The following EPAS1 variants were observed in gnomAD, a reference collection of about 807,000 sequenced individuals.
EPAS1 encodes endothelial PAS domain protein 1.
EPAS1 carries 23 observed loss-of-function variants against 87.9 expected under a neutral mutation model. The ratio of observed to expected loss-of-function variants is 0.26; its 90% CI spans 0.19 to 0.37. The LOEUF is 0.37. Among genes scored for constraint, EPAS1 ranks in the 10% least tolerant of loss-of-function variants. The probability of loss-of-function intolerance (pLI) is 1.00; values close to 1 mark genes in which losing one functional copy is unlikely to be tolerated. For missense variants in EPAS1, 1,138 were observed against 1,120.7 expected (o/e 1.02, Z -0.22); for synonymous variants, 508 against 444.3 (o/e 1.14, Z -1.80).
chr2:46,318,781 A>G (rs1683396015), intron 1 of EPAS1, among the ~76,000 whole-genome samples: 1 of 152,252 alleles, frequency 6.6e-6, no homozygotes, highest in African/African-American at 2.4e-5. Flanking sequence ...TTAGTTATTA[A>G]TAGTATTAAT....
intron 1 of EPAS1, among the ~76,000 whole-genome samples, chr2:46,343,606 A>C (rs1232117712): frequency 6.6e-6 from 1 of 152,254 alleles, no homozygotes; most frequent in East Asian, 1.9e-4. Flanking sequence ...AACACATGTT[A>C]AGAAGAAGTG....
At chr2:46,358,028 A>G (rs1222961959) in intron 4 of EPAS1, among the ~76,000 whole-genome samples, 1 of 152,196 alleles carries the variant, frequency 6.6e-6, no homozygotes, top group East Asian at 1.9e-4. Flanking sequence ...GTCCTCTTTA[A>G]CAACCTCACC....
chr2:46,332,326 G>C (rs1175130045), intron 1 of EPAS1, among the ~76,000 whole-genome samples: 1 of 143,820 alleles, frequency 7.0e-6, no homozygotes, highest in Non-Finnish European at 1.5e-5. Context: ...GTGTGTGTGT[G>C]TGTGTGTATC....
At chr2:46,377,554 G>A (rs1684782503) in intron 9 of EPAS1, among the ~76,000 whole-genome samples, 1 of 152,254 alleles carries the variant, frequency 6.6e-6, no homozygotes, top group Admixed American at 6.5e-5. Context: ...GCAGTACTGA[G>A]GCAAATAGCT....
intron 6 of EPAS1, among the ~76,000 whole-genome samples, chr2:46,364,985 A>G (rs953325240): frequency 6.6e-6 from 1 of 152,224 alleles, no homozygotes; most frequent in African/African-American, 2.4e-5. Context: ...ACAACATTCC[A>G]TTTACCCAAA....
intron 10 of EPAS1, among the ~76,000 whole-genome samples, chr2:46,378,322 C>G (rs1435932475): frequency 6.6e-6 from 1 of 152,266 alleles, no homozygotes; most frequent in Non-Finnish European, 1.5e-5. Context: ...CCAGCTCAGT[C>G]CCCATACAGG....
intron 1 of EPAS1, among the ~76,000 whole-genome samples, chr2:46,324,130 G>T (rs532014700): frequency 6.6e-6 from 1 of 152,170 alleles, no homozygotes; most frequent in Non-Finnish European, 1.5e-5. Flanking sequence ...GCGGTGGTGC[G>T]ATCTTGGCTC....
intron 2 of EPAS1, among the ~76,000 whole-genome samples, chr2:46,349,846 T>C (rs1425522279): frequency 1.3e-5 from 2 of 152,238 alleles, no homozygotes; most frequent in Non-Finnish European, 2.9e-5. Context: ...CATGTAGCGT[T>C]ATGAAGAGGA....
chr2:46,366,580 G>A (rs937954926), intron 6 of EPAS1, among the ~76,000 whole-genome samples: 15 of 152,140 alleles, frequency 9.9e-5, no homozygotes, highest in Admixed American at 7.9e-4. Context: ...CTGTTCTTAT[G>A]TTTGAAATCT....
At chr2:46,358,490 T>A (rs907185152) in intron 4 of EPAS1, among the ~76,000 whole-genome samples, 1 of 152,238 alleles carries the variant, frequency 6.6e-6, no homozygotes, top group African/African-American at 2.4e-5. Flanking sequence ...CCAGAAACCC[T>A]TTGGCCTTTG....
At chr2:46,351,569 G>A (rs957003246) in intron 2 of EPAS1, among the ~76,000 whole-genome samples, 1 of 152,146 alleles carries the variant, frequency 6.6e-6, no homozygotes, top group African/African-American at 2.4e-5. Flanking sequence ...CCGGGAGGGC[G>A]GGGTTTGAGG....
chr2:46,376,780 C>T, intron 9 of EPAS1, 27 bp downstream of exon 9: 1 of 1,610,074 alleles, frequency 6.2e-7, no homozygotes, highest in Non-Finnish European at 8.5e-7. Flanking sequence ...TAAGCCAGGC[C>T]CCTGGAACCC....
intron 11 of EPAS1, chr2:46,379,977 G>A (rs1012434365): frequency 6.6e-6 from 4 of 605,312 alleles, no homozygotes; most frequent in Non-Finnish European, 8.9e-6. Context: ...GGGGAGAGGA[G>A]AACATTTCTC....
intron 4 of EPAS1, among the ~76,000 whole-genome samples, chr2:46,359,930 T>C (rs1358009398): frequency 6.6e-6 from 1 of 152,172 alleles, no homozygotes; most frequent in Non-Finnish European, 1.5e-5. Context: ...GTAAGCTATA[T>C]TGCTGGTCTT....
intron 1 of EPAS1, among the ~76,000 whole-genome samples, chr2:46,306,214 TA>T (rs1683106576): frequency 6.6e-6 from 1 of 152,222 alleles, no homozygotes; most frequent in Non-Finnish European, 1.5e-5. Context: ...AGTATAGTAT[TA>T]AAAAAATACA....
intron 1 of EPAS1, among the ~76,000 whole-genome samples, chr2:46,315,442 T>C (rs1330991763): frequency 2.0e-5 from 3 of 152,210 alleles, no homozygotes; most frequent in African/African-American, 7.2e-5. Context: ...CTTGGGTTTA[T>C]CTGCCTCACA....
intron 1 of EPAS1, among the ~76,000 whole-genome samples, chr2:46,310,289 G>T (rs963295576): frequency 1.3e-5 from 2 of 152,050 alleles, no homozygotes; most frequent in African/African-American, 4.8e-5. Flanking sequence ...ATTTGATAAG[G>T]CTCTCATTCT....
intron 6 of EPAS1, among the ~76,000 whole-genome samples, chr2:46,363,017 G>GTGATGA (rs1553395713): frequency 0.016 from 2,271 of 144,302 alleles, 83 homozygotes; most frequent in East Asian, 0.03. Context: ...GGTGGTGGTG[G>GTGATGA]TGATAATGAT....
rs772474116 is a variant in EPAS1, at chr2:46,375,760, G to A, written c.957G>A (p.Leu319=). ...MLAKHGGYVW[L]ETQGTVIYNP... Reference sequence around the variant, plus strand: ...CAAAGCATGGGGGCTACGTGTGGCTGGAGACCCAGGGGACGGTCATCTACA... The same window carrying A: ...CAAAGCATGGGGGCTACGTGTGGCTAGAGACCCAGGGGACGGTCATCTACA... Residue 319 remains leucine (L), a synonymous_variant, in exon 8 of 16, where the codon CTG becomes CTA. Transcript: ENST00000263734. The surrounding 1 kb of genome is among the most constrained non-coding windows in gnomAD (Gnocchi z 4.1). The A allele has an allele frequency of 2.3e-5, 37 of 1,614,130 alleles. No homozygotes were observed. Among genetic ancestry groups the A allele is most frequent in the Non-Finnish European group, 3.1e-5 (36 of 1,180,060 alleles).
Sources: allele counts gnomAD v4.1 joint callset (sites outside exome capture counted in the v4.1 genomes callset), GRCh38; gene constraint gnomAD v4.1.1; non-coding constraint Gnocchi (gnomAD v3.1); transcripts MANE v1.5; gene names NCBI Gene and HGNC (gene_info 2026-07-23, HGNC 2026-07-21).